NIPSNAP2: variants seen among roughly 807,000 people sequenced by gnomAD.
NIPSNAP2 encodes nipsnap homolog 2, also known as protein NipSnap homolog 2.
A neutral mutation model predicts 48.4 loss-of-function variants in NIPSNAP2; 42 were observed. The ratio of observed to expected loss-of-function variants is 0.87; its 90% CI spans 0.68 to 1.12. The LOEUF (loss-of-function observed/expected upper bound fraction) is 1.12, where lower values mean the gene tolerates loss of function less well. NIPSNAP2 is among the 50% of genes most tolerant of loss of function. The pLI is 0.00. For missense variants in NIPSNAP2, 314 were observed against 347.3 expected (o/e 0.90, Z 0.76); for synonymous variants, 158 against 126.6 (o/e 1.25, Z -1.67).
chr7:55,969,719 C>G (rs1490991661), intron 1 of NIPSNAP2, among the ~76,000 whole-genome samples: 3 of 152,052 alleles, frequency 2.0e-5, no homozygotes, highest in African/African-American at 4.8e-5. Flanking sequence ...CGCGGTGGCT[C>G]ACGCCTGTAA....
At chr7:55,971,596 A>G (rs13233037) in intron 1 of NIPSNAP2, among the ~76,000 whole-genome samples, 3,531 of 152,084 alleles carry the variant, frequency 0.023, 62 homozygotes, top group African/African-American at 0.043. Flanking sequence ...CTGGGTAGCT[A>G]GGACCATAAG....
intron 7 of NIPSNAP2, among the ~76,000 whole-genome samples, chr7:55,986,054 A>G (rs1468761675): frequency 6.6e-6 from 1 of 151,962 alleles, no homozygotes; most frequent in African/African-American, 2.4e-5. Context: ...TTTCAAAAAA[A>G]TAAAATAAAA....
chr7:55,970,369 C>T (rs190748960), intron 1 of NIPSNAP2, among the ~76,000 whole-genome samples: 3 of 149,612 alleles, frequency 2.0e-5, no homozygotes, highest in Non-Finnish European at 1.5e-5. Flanking sequence ...AGAGCAGTGG[C>T]GTGATCTTGG....
chr7:55,980,244 C>T (rs1326379238), intron 3 of NIPSNAP2: 2 of 176,908 alleles, frequency 1.1e-5, no homozygotes, highest in Non-Finnish European at 2.5e-5. Context: ...TGCTACTCTT[C>T]CAAAAGTACA....
chr7:55,988,722 G>A (rs1787382877), intron 7 of NIPSNAP2, among the ~76,000 whole-genome samples: 1 of 152,020 alleles, frequency 6.6e-6, no homozygotes, highest in South Asian at 2.1e-4. Context: ...AAACGTAGCC[G>A]GGCATGTTGG....
chr7:55,997,287 A>G, intron 8 of NIPSNAP2, 79 bp from the exon 9 acceptor site: 2 of 1,038,616 alleles, frequency 1.9e-6, no homozygotes, highest in Non-Finnish European at 3.0e-6. Context: ...GTCCAGGTGA[A>G]GCAAGACTTT....
At chr7:55,971,949 AATTT>A (rs767855084) in intron 1 of NIPSNAP2, among the ~76,000 whole-genome samples, 88 of 152,232 alleles carry the variant, frequency 5.8e-4, no homozygotes, top group Non-Finnish European at 1.1e-3. Flanking sequence ...AAGCTTTTAC[AATTT>A]ATTTAACAAA....
At chr7:55,988,091 A>T (rs914709487) in intron 7 of NIPSNAP2, among the ~76,000 whole-genome samples, 2 of 152,028 alleles carry the variant, frequency 1.3e-5, no homozygotes, top group African/African-American at 2.4e-5. Flanking sequence ...GTGAAACCCC[A>T]TCTCTACAAA....
intron 4 of NIPSNAP2, chr7:55,982,007 A>G (rs1190973413): frequency 1.0e-5 from 4 of 399,300 alleles, no homozygotes; most frequent in Admixed American, 4.0e-5. Context: ...GGGTTTCACC[A>G]TGTTGGCCAG....
intron 7 of NIPSNAP2, among the ~76,000 whole-genome samples, chr7:55,988,534 G>A (rs941224517): frequency 1.3e-5 from 2 of 152,074 alleles, no homozygotes; most frequent in Admixed American, 1.3e-4. Flanking sequence ...AAATGGTGCA[G>A]CCACTTTGGA....
At chr7:55,970,616 CTT>C (rs1311085941) in intron 1 of NIPSNAP2, among the ~76,000 whole-genome samples, 5 of 152,088 alleles carry the variant, frequency 3.3e-5, no homozygotes, top group African/African-American at 9.6e-5. Flanking sequence ...TTGTCCGACA[CTT>C]ATATTTTTTT....
chr7:55,995,447 CTT>C (rs1267137476), intron 8 of NIPSNAP2, among the ~76,000 whole-genome samples: 1 of 152,204 alleles, frequency 6.6e-6, no homozygotes, highest in Non-Finnish European at 1.5e-5. Flanking sequence ...TCCCCACACA[CTT>C]TTGTTTGGCA....
intron 1 of NIPSNAP2, among the ~76,000 whole-genome samples, chr7:55,971,867 A>C (rs1021346821): frequency 6.6e-6 from 1 of 152,166 alleles, no homozygotes; most frequent in South Asian, 2.1e-4. Flanking sequence ...ATTTTAAGTG[A>C]AACTCCCTAG....
chr7:55,982,223 G>C lies in NIPSNAP2; in HGVS notation c.387G>C (p.Arg129Ser). The C allele has an allele frequency of 6.2e-7, 1 of 1,606,414 alleles. No homozygotes were observed. Among genetic ancestry groups the C allele is most frequent in the Non-Finnish European group, 8.5e-7 (1 of 1,173,358 alleles). ...GEQDQAVHLW[R>S]YEGGYPALTE... is the part of the protein sequence containing the mutation. Reference sequence around the variant, plus strand: ...AATGCATTTCAGTCCACCTCTGGAGGTATGAAGGAGGCTATCCAGCCCTCA... The same window carrying C: ...AATGCATTTCAGTCCACCTCTGGAGCTATGAAGGAGGCTATCCAGCCCTCA... The change falls in exon 5 of 10, where the codon AGG (arginine) becomes AGC (serine). Residue 129 changes from arginine (R) to serine (S), a missense_variant. By Grantham distance (110) the Arg-to-Ser change is moderately radical. This residue lies in a region of NIPSNAP2 where 198 missense variants were observed against 185.5 expected (regional missense o/e 1.07). Transcript: ENST00000322090.
At chr7:55,993,927 G>GA (rs56908796) in intron 7 of NIPSNAP2, among the ~76,000 whole-genome samples, 6,594 of 138,950 alleles carry the variant, frequency 0.047, 173 homozygotes, top group Admixed American at 0.067. Flanking sequence ...TAGTAGGAAA[G>GA]AAAAAAAAAA....
intron 1 of NIPSNAP2, among the ~76,000 whole-genome samples, chr7:55,972,638 G>C (rs1474584064): frequency 6.6e-6 from 1 of 151,824 alleles, no homozygotes; most frequent in African/African-American, 2.4e-5. Flanking sequence ...CTGCATGTTG[G>C]TCAGTCTGGT....
chr7:55,985,228 T>C (rs1330003368), intron 7 of NIPSNAP2, among the ~76,000 whole-genome samples: 1 of 152,196 alleles, frequency 6.6e-6, no homozygotes, highest in Non-Finnish European at 1.5e-5. Flanking sequence ...GCACCTTTTT[T>C]TTAAAAGCAA....
rs1554344672 is a variant in NIPSNAP2 at position 55,997,573 on chromosome 7, T to TTG, written c.796+124_796+125insTG. 7.9e-5 allele frequency: 55 copies of TTG among 693,654 alleles called. No homozygotes were observed. The South Asian group carries it at 9.3e-4, about 12-fold the overall frequency. The allele number at this position is 693,654 out of a possible 1,614,324, so 43.0% of individuals were successfully genotyped here. ...GCTAGGATAGTGAGTTATCAGGTTG[T>TTG]GGGGGGAAGGGAGATAGTCAATTTT... On this transcript the variant is annotated intron_variant, in intron 9 of 9. Coordinates refer to ENST00000322090, the MANE Select transcript of NIPSNAP2 (RefSeq NM_001483.3).
chr7:55,976,933 T>G (rs944370558), intron 1 of NIPSNAP2, among the ~76,000 whole-genome samples: 1 of 152,096 alleles, frequency 6.6e-6, no homozygotes, highest in African/African-American at 2.4e-5. Context: ...AAGTATAGTT[T>G]GTGACTTGAG....
Sources: allele counts gnomAD v4.1 joint callset (sites outside exome capture counted in the v4.1 genomes callset), GRCh38; gene constraint gnomAD v4.1.1; regional missense constraint gnomAD v4.1.1; transcripts MANE v1.5; gene names NCBI Gene and HGNC (gene_info 2026-07-23, HGNC 2026-07-21).